Variants in SLC24A1 observed in about 807,000 individuals in gnomAD.
SLC24A1 encodes the protein sodium/potassium/calcium exchanger 1.
SLC24A1 carries 52 observed loss-of-function variants against 88.1 expected under a neutral mutation model. That is an observed-to-expected ratio of 0.59 (90% CI 0.47 to 0.74). The LOEUF (loss-of-function observed/expected upper bound fraction) is 0.74, where lower values mean the gene tolerates loss of function less well. SLC24A1 is among the 30% of genes least tolerant of loss of function. The pLI is 0.00. For missense variants in SLC24A1, 1,173 were observed against 1,363.3 expected (o/e 0.86, Z 2.20); for synonymous variants, 455 against 498.0 (o/e 0.91, Z 1.15).
downstream of SLC24A1, among the ~76,000 whole-genome samples, chr15:65,656,982 G>A (rs984836371): frequency 9.2e-5 from 14 of 152,068 alleles, no homozygotes; most frequent in Admixed American, 6.5e-4. Context: ...CGATCCTCCC[G>A]CCTCAGCCCC....
chr15:65,625,569 G>A lies in SLC24A1; in HGVS notation c.1489G>A (p.Ala497Thr), dbSNP rs765018665. The change falls in exon 2 of 10, where the codon GCC (alanine) becomes ACC (threonine). Residue 497 changes from alanine to threonine, a missense_variant. Transcript: ENST00000261892. Reference protein sequence around the residue: ...KLQISEDVAGATFMAAGGSAP... With the variant: ...KLQISEDVAGTTFMAAGGSAP... ...GCAGATCTCCGAGGATGTGGCAGGCGCCACATTCATGGCTGCTGGAGGCTC... is the reference window on the plus strand; with the variant it reads ...GCAGATCTCCGAGGATGTGGCAGGCACCACATTCATGGCTGCTGGAGGCTC... The A allele has an allele frequency of 1.4e-5, 23 of 1,613,878 alleles. No individual in the cohort carries two copies. The highest frequency in any genetic ancestry group is 2.2e-5 in the East Asian group (1 of 44,894).
chr15:65,658,141 T>A (rs1032153170), downstream of SLC24A1: 3 of 152,228 alleles, frequency 2.0e-5, no homozygotes, highest in African/African-American at 7.2e-5. Context: ...TGAAAATTCT[T>A]CAATTTGTGT....
exon 2 of SLC24A1, chr15:65,612,594 G>A (rs2073995604): frequency 6.6e-6 from 1 of 152,272 alleles, no homozygotes; most frequent in Non-Finnish European, 1.5e-5. Context: ...AGTTATGCTT[G>A]AGCAGGCATT....
At chr15:65,621,751 A>G (rs1256655234), upstream of SLC24A1, among the ~76,000 whole-genome samples, 1 of 152,064 alleles carries the variant, frequency 6.6e-6, no homozygotes. Flanking sequence ...AGTTTGAGAA[A>G]TCTCCCCAGT....
rs755539821 is a variant in SLC24A1, at chr15:65,625,301, C to A, written c.1221C>A (p.Pro407=). The part of the protein sequence containing the change: ...VKPTPAMLTT[P]SPSLTTALLP... ...CAACCCCAGCCATGCTCACCACTCC[C>A]TCCCCAAGCCTCACAACAGCCCTGC... is the stretch of plus-strand genomic sequence containing the variant. Residue 407 remains proline, a synonymous_variant, in exon 2 of 10, where the codon CCC becomes CCA. Transcript: ENST00000261892. The A allele has an allele frequency of 1.2e-6, 2 of 1,613,916 alleles. No homozygotes were observed. Among genetic ancestry groups the A allele is most frequent in the Admixed American group, 3.3e-5 (2 of 60,006 alleles).
intron 2 of SLC24A1, among the ~76,000 whole-genome samples, chr15:65,632,728 G>A (rs911928836): frequency 6.6e-6 from 1 of 152,222 alleles, no homozygotes; most frequent in Non-Finnish European, 1.5e-5. Flanking sequence ...ATAAAGCACA[G>A]TTCCAGCTCT....
rs772498133 is a variant in SLC24A1 at position 65,639,653 on chromosome 15, G to A, written c.2003G>A (p.Arg668His). 3.1e-6 allele frequency: 5 copies of A among 1,612,894 alleles called. No individual in the cohort carries two copies. The Admixed American group carries it at 6.7e-5, about 22-fold the overall frequency. ...ACCTCTCTGCACAACAGCACCATCC[G>A]CAGCACCATCTACCAGCTCATGCTC... ...SSTSLHNSTI[R>H]STIYQLMLHS... The change falls in exon 4 of 10, where the codon CGC (arginine) becomes CAC (histidine). Residue 668 changes from arginine to histidine, a missense_variant. Arg to His is a conservative substitution (Grantham distance 29). Transcript: ENST00000261892.
At chr15:65,613,751 G>T (rs1596288874) in intron 2 of SLC24A1, among the ~76,000 whole-genome samples, 1 of 152,026 alleles carries the variant, frequency 6.6e-6, no homozygotes, top group Non-Finnish European at 1.5e-5. Context: ...CTCCCAAAGT[G>T]CCAGGATTAC....
Position 65,654,852 on chromosome 15 carries a change from C to A in SLC24A1, c.*773C>A. The A allele has an allele frequency of 9.1e-7, 1 of 1,095,100 alleles. No homozygotes were observed. Among genetic ancestry groups the A allele is most frequent in the Non-Finnish European group, 1.2e-6 (1 of 851,312 alleles). 67.8% of individuals were successfully genotyped at this position (1,095,100 alleles called of 1,614,324 possible). On this transcript the variant is annotated 3_prime_UTR_variant, in exon 10 of 10. Transcript: ENST00000261892. ...TGAAGTCGTGATCTGCCCGCCTCGG[C>A]CTCCCAAAGTGCTGGGATTACAGGC...
chr15:65,653,071 A>T lies in SLC24A1; in HGVS notation c.3050+263A>T, dbSNP rs114625189. 328 of 305,476 alleles carry T rather than the reference A, an allele frequency of 1.1e-3. 2 individuals carry two copies. Among genetic ancestry groups the T allele is most frequent in the African/African-American group, 6.8e-3 (316 of 46,440 alleles). 18.9% of individuals were successfully genotyped at this position (305,476 alleles called of 1,614,324 possible). On this transcript the variant is annotated intron_variant, in intron 9 of 9. Coordinates refer to ENST00000261892, the MANE Select transcript of SLC24A1 (RefSeq NM_004727.3). ...AAAGTCCATTTCATTCCATTACCAAATACCGTCAAATGCTCTGCTCACTGA... is the reference window on the plus strand; with the variant it reads ...AAAGTCCATTTCATTCCATTACCAATTACCGTCAAATGCTCTGCTCACTGA...
chr15:65,654,904 A>G lies in SLC24A1; in HGVS notation c.*825A>G. On this transcript the variant is annotated 3_prime_UTR_variant, in exon 10 of 10. Transcript: ENST00000261892. Reference sequence around the variant, plus strand: ...TCAGCCACCGCGCCTGGCCTATACCAGTATTTTCTAGTTTAAAGGAGGACT... The same window carrying G: ...TCAGCCACCGCGCCTGGCCTATACCGGTATTTTCTAGTTTAAAGGAGGACT... The G allele has an allele frequency of 8.9e-7, 1 of 1,121,702 alleles. No homozygotes were observed. Among genetic ancestry groups the G allele is most frequent in the South Asian group, 2.0e-5 (1 of 51,172 alleles). 69.5% of individuals were successfully genotyped at this position (1,121,702 alleles called of 1,614,324 possible). A position where few individuals can be genotyped will look rare whatever the true frequency, so the allele number is the denominator to read the frequency against.
downstream of SLC24A1, chr15:65,659,432 C>A (rs560699567): frequency 5.5e-4 from 77 of 141,226 alleles, no homozygotes; most frequent in African/African-American, 1.8e-3. Context: ...CCCCCAGGCT[C>A]AAAGTGATCC....
chr15:65,615,831 G>A (rs889404780), intron 2 of SLC24A1, among the ~76,000 whole-genome samples: 7 of 151,352 alleles, frequency 4.6e-5, no homozygotes, highest in Admixed American at 1.3e-4. Context: ...TGCACCCATT[G>A]ACTCATCATT....
rs748043781 is a variant in SLC24A1 at position 65,652,737 on chromosome 15, C to T, written c.2979C>T (p.Val993=). 18 of 1,613,656 alleles carry T rather than the reference C, an allele frequency of 1.1e-5. No individual in the cohort carries two copies. The highest frequency in any genetic ancestry group is 5.0e-5 in the Admixed American group (3 of 60,002). Residue 993 remains valine, a synonymous_variant, in exon 9 of 10, where the codon GTC becomes GTT. Transcript: ENST00000261892. ...CTGACCTCATCACCAGTGTGATTGT[C>T]GCTCGAAAAGGCCTGGGAGACATGG... ...SIPDLITSVI[V]ARKGLGDMAV...
intron 9 of SLC24A1, chr15:65,653,011 G>A (rs1304092291): frequency 2.5e-6 from 1 of 404,986 alleles, no homozygotes; most frequent in Non-Finnish European, 4.3e-6. Context: ...TGCCTGAAAT[G>A]TAACTGACTG....
chr15:65,624,784 A>G lies in SLC24A1; in HGVS notation c.704A>G (p.Asn235Ser), dbSNP rs1376242061. 5.6e-6 allele frequency: 9 copies of G among 1,613,810 alleles called. No homozygotes were observed. The highest frequency in any genetic ancestry group is 6.8e-6 in the Non-Finnish European group (8 of 1,179,880). Reference protein sequence around the residue: ...ITATYKILETNSLKRIMEETT... With the variant: ...ITATYKILETSSLKRIMEETT... ...GCAACCTATAAAATACTCGAAACCAACTCTCTTAAGAGAATAATGGAGGAA... is the reference window on the plus strand; with the variant it reads ...GCAACCTATAAAATACTCGAAACCAGCTCTCTTAAGAGAATAATGGAGGAA... The change falls in exon 2 of 10, where the codon AAC (asparagine) becomes AGC (serine). Residue 235 changes from asparagine (N) to serine (S), a missense_variant. Transcript: ENST00000261892.
At chr15:65,634,755 A>G (rs900424625) in intron 2 of SLC24A1, among the ~76,000 whole-genome samples, 23 of 149,692 alleles carry the variant, frequency 1.5e-4, no homozygotes, top group South Asian at 6.3e-4. Context: ...AAAAAAAAAA[A>G]AAAGAAAAAG....
At chr15:65,612,170 C>T (rs756610940) in intron 1 of SLC24A1, 1 of 152,288 alleles carries the variant, frequency 6.6e-6, no homozygotes, top group Admixed American at 6.5e-5. Flanking sequence ...CAAGAGGTGA[C>T]TTTCTTTCTA....
chr15:65,634,495 G>A (rs767247890), intron 2 of SLC24A1, among the ~76,000 whole-genome samples: 1 of 152,194 alleles, frequency 6.6e-6, no homozygotes, highest in Admixed American at 6.5e-5. Flanking sequence ...AGAGCAGGGA[G>A]AATGTTGTGA....
Sources: allele counts gnomAD v4.1 joint callset (sites outside exome capture counted in the v4.1 genomes callset), GRCh38; gene constraint gnomAD v4.1.1; transcripts MANE v1.5; gene names NCBI Gene and HGNC (gene_info 2026-07-23, HGNC 2026-07-21).